Variants in PRDM16 observed in about 807,000 individuals in gnomAD.
PRDM16 encodes PR/SET domain 16, also known as histone-lysine N-methyltransferase PRDM16.
PRDM16 carries 23 observed loss-of-function variants against 110.6 expected under a neutral mutation model. That is an observed-to-expected ratio of 0.21 (90% CI 0.15 to 0.29). The LOEUF (loss-of-function observed/expected upper bound fraction) is 0.29, where lower values mean the gene tolerates loss of function less well. PRDM16 is among the 10% of genes least tolerant of loss of function. The probability of loss-of-function intolerance (pLI) is 1.00; values close to 1 mark genes in which losing one functional copy is unlikely to be tolerated. For synonymous variants in PRDM16, 799 were observed against 781.8 expected, an observed-to-expected ratio of 1.02 and a Z score of -0.37; for missense variants, 1,615 against 1,794.3, an observed-to-expected ratio of 0.90 and a Z score of 1.81.
At chr1:3,165,836 G>C (rs1026895898) in intron 1 of PRDM16, among the ~76,000 whole-genome samples, 6 of 78,346 alleles carry the variant, frequency 7.7e-5, no homozygotes, top group South Asian at 6.0e-4. Context: ...TGGGCTCAGG[G>C]ACAGGGACTC....
At chr1:3,079,754 C>A (rs1641977818) in intron 1 of PRDM16, among the ~76,000 whole-genome samples, 1 of 152,186 alleles carries the variant, frequency 6.6e-6, no homozygotes. Context: ...GAGATTGTCT[C>A]CAGGGAGTGT....
intron 3 of PRDM16, among the ~76,000 whole-genome samples, chr1:3,356,191 G>A (rs946760): frequency 0.17 from 26,620 of 152,222 alleles, 2,349 homozygotes; most frequent in Admixed American, 0.22. Context: ...ACCAGCACGC[G>A]GGCACAGATG....
At chr1:3,416,481 G>A (rs1009487161) in intron 10 of PRDM16, among the ~76,000 whole-genome samples, 4 of 152,158 alleles carry the variant, frequency 2.6e-5, no homozygotes, top group Non-Finnish European at 4.4e-5. Context: ...CCTTGATGAC[G>A]CAGGTCCTCA....
chr1:3,234,112 T>C (rs149416775), intron 2 of PRDM16, among the ~76,000 whole-genome samples: 92 of 152,242 alleles, frequency 6.0e-4, no homozygotes, highest in African/African-American at 2.1e-3. Context: ...CCTGGGAGTG[T>C]GTTCAGGGCT....
chr1:3,381,759 G>A (rs1330734346), intron 3 of PRDM16, among the ~76,000 whole-genome samples: 5 of 152,172 alleles, frequency 3.3e-5, no homozygotes, highest in African/African-American at 7.2e-5. Flanking sequence ...TCACTCACGC[G>A]TCATTTACCT....
At chr1:3,179,194 T>A (rs1644123293) in intron 1 of PRDM16, among the ~76,000 whole-genome samples, 1 of 152,212 alleles carries the variant, frequency 6.6e-6, no homozygotes, top group African/African-American at 2.4e-5. Context: ...TTGTGGGGAA[T>A]GTGTAGCCGA....
intron 2 of PRDM16, among the ~76,000 whole-genome samples, chr1:3,192,146 GTGAGCT>G (rs1638328359): frequency 6.6e-6 from 1 of 152,158 alleles, no homozygotes; most frequent in Admixed American, 6.5e-5. Flanking sequence ...GAGATTGTGT[GTGAGCT>G]TGCACACACA....
intron 1 of PRDM16, among the ~76,000 whole-genome samples, chr1:3,094,583 G>A (rs114205356): frequency 0.032 from 4,809 of 152,248 alleles, 272 homozygotes; most frequent in African/African-American, 0.11. Flanking sequence ...AAGCTTGGCC[G>A]TCACTTCCAC....
chr1:3,420,040 G>A (rs921997264), intron 12 of PRDM16, among the ~76,000 whole-genome samples: 2 of 152,056 alleles, frequency 1.3e-5, no homozygotes, highest in African/African-American at 4.8e-5. Context: ...TTTCTGTAAT[G>A]AGAGCCGACT....
chr1:3,403,063 C>G (rs1643500864), intron 6 of PRDM16, 65 bp downstream of exon 6: 6 of 719,182 alleles, frequency 8.3e-6, no homozygotes, highest in Non-Finnish European at 1.1e-5. Context: ...TCCTCCCCTT[C>G]CCGTGCCCTC....
At chr1:3,317,794 T>G (rs1641646381) in intron 3 of PRDM16, among the ~76,000 whole-genome samples, 1 of 152,216 alleles carries the variant, frequency 6.6e-6, no homozygotes, top group Admixed American at 6.5e-5. Context: ...GATTACTCCC[T>G]TTTAATAGAG....
At chr1:3,340,238 CT>C (rs1259209395) in intron 3 of PRDM16, among the ~76,000 whole-genome samples, 1 of 152,072 alleles carries the variant, frequency 6.6e-6, no homozygotes, top group Non-Finnish European at 1.5e-5. Flanking sequence ...ACTGTACCCC[CT>C]AAATCCCCAA....
At chr1:3,079,091 G>A (rs932515260) in intron 1 of PRDM16, among the ~76,000 whole-genome samples, 4 of 152,352 alleles carry the variant, frequency 2.6e-5, no homozygotes, top group East Asian at 1.9e-4. Context: ...CGACGGCTCC[G>A]GGCATTAATC....
At chr1:3,348,737 C>T (rs1200236591) in intron 3 of PRDM16, among the ~76,000 whole-genome samples, 1 of 152,268 alleles carries the variant, frequency 6.6e-6, no homozygotes, top group African/African-American at 2.4e-5. Flanking sequence ...CTGTCCTCCC[C>T]TCTGCCCTTG....
At chr1:3,404,934 G>C in intron 7 of PRDM16, 48 bp downstream of exon 7, 2 of 1,583,348 alleles carry the variant, frequency 1.3e-6, no homozygotes, top group Admixed American at 3.8e-5. Flanking sequence ...GCAGGAGGCT[G>C]CAGACGGGCG....
Position 3,435,264 on chromosome 1 carries a change from A to G in PRDM16, c.*1453A>G, listed in dbSNP as rs1225096346. ...TCTAATTCATTTCTTTTCTTATTTT[A>G]TTTCCTCCTTAACAGTATTTTTGGC... On this transcript the variant is annotated 3_prime_UTR_variant, in exon 17 of 17. Coordinates refer to ENST00000270722, the MANE Select transcript of PRDM16 (RefSeq NM_022114.4). 4.5e-6 allele frequency: 1 copy of G among 222,414 alleles called. No homozygotes were observed. Among genetic ancestry groups the G allele is most frequent in the African/African-American group, 2.2e-5 (1 of 44,584 alleles). The allele number at this position is 222,414 out of a possible 1,614,324, so 13.8% of individuals were successfully genotyped here.
chr1:3,125,352 G>A (rs74050119), intron 1 of PRDM16, among the ~76,000 whole-genome samples: 6,999 of 152,332 alleles, frequency 0.046, 524 homozygotes, highest in African/African-American at 0.16. Flanking sequence ...TGGGCAAAGA[G>A]GACGGTCCTC....
Position 3,353,901 on chromosome 1 carries a change from GGGCCCTT to G in PRDM16, c.439-31247_439-31241del, listed in dbSNP as rs1642542378. 6.6e-6 allele frequency among the ~76,000 whole-genome samples: 1 copy of G among 152,076 alleles called. No individual in the cohort carries two copies. The highest frequency in any genetic ancestry group is 1.5e-5 in the Non-Finnish European group (1 of 67,996). ...TAGGGGGTCTTTCTAGAAGCCAAGGGGGCCCTTGGCACACACATGTGGATGCAGGGCT... is the reference window on the plus strand; with the variant it reads ...TAGGGGGTCTTTCTAGAAGCCAAGGGGGCACACACATGTGGATGCAGGGCT... On this transcript the variant is annotated intron_variant, in intron 3 of 16. Transcript: ENST00000270722. The surrounding 1 kb of genome is among the most constrained non-coding windows in gnomAD (Gnocchi z 5.4).
At position 3,408,477 on chromosome 1, in the gene PRDM16, C is replaced by T. The variant is rs995221149; in HGVS notation, c.1186+2829C>T. Among the ~76,000 whole-genome samples, 7 of 152,186 alleles carry T rather than the reference C, an allele frequency of 4.6e-5. 1 individual carries two copies. The highest frequency in any genetic ancestry group is 3.4e-3 in the Middle Eastern group (1 of 290). On this transcript the variant is annotated intron_variant, in intron 8 of 16. Coordinates refer to ENST00000270722, the MANE Select transcript of PRDM16 (RefSeq NM_022114.4). ...GAGCCTTTGCTTTAATAAGTATGCACGTGTGAGAGTGTGTGAGTGTGGGCG... is the reference window on the plus strand; with the variant it reads ...GAGCCTTTGCTTTAATAAGTATGCATGTGTGAGAGTGTGTGAGTGTGGGCG...
Sources: gnomAD v4.1 joint callset for allele counts (sites outside exome capture counted in the v4.1 genomes callset) on GRCh38, gnomAD v4.1.1 for gene constraint, Gnocchi (gnomAD v3.1) non-coding constraint, MANE v1.5 for transcripts, NCBI Gene and HGNC (gene_info 2026-07-23, HGNC 2026-07-21) for gene names.